Variants in ADGRG6 observed in about 807,000 individuals in gnomAD.
ADGRG6 encodes adhesion G protein-coupled receptor G6.
Under a neutral mutation model 142.4 loss-of-function variants are expected in ADGRG6, and 84 were observed. The observed-to-expected ratio is 0.59, with a 90% CI of 0.49 to 0.71. ADGRG6 has a LOEUF of 0.71. ADGRG6 is among the 30% of genes least tolerant of loss of function. The pLI, the probability that ADGRG6 is intolerant of heterozygous loss-of-function variation, is 0.00. For synonymous variants in ADGRG6, 521 were observed against 520.5 expected (o/e 1.00, Z -0.01); for missense variants, 1,367 against 1,466.6 (o/e 0.93, Z 1.11).
In ADGRG6 at chr6:142,403,879, A is replaced by G; in HGVS notation, c.2033A>G (p.Asn678Ser). ...STSHVNITTR[N>S]LALSVSSLLP... is the part of the protein sequence containing the mutation. ...TCACATGTGAATATTACAACTCGGAACTTGGCTCTCAGCGTATCATCCCTG... is the reference window on the plus strand; with the variant it reads ...TCACATGTGAATATTACAACTCGGAGCTTGGCTCTCAGCGTATCATCCCTG... Residue 678 changes from asparagine to serine, a missense_variant, in exon 14 of 25, where the codon AAC becomes AGC. This residue lies in a region of ADGRG6 where 286 missense variants were observed against 371.4 expected (regional missense o/e 0.77). Coordinates refer to ENST00000367609, the MANE Select transcript of ADGRG6 (RefSeq NM_198569.3). The G allele has an allele frequency of 1.2e-6, 2 of 1,609,596 alleles. No homozygotes were observed. Among genetic ancestry groups the G allele is most frequent in the Non-Finnish European group, 1.7e-6 (2 of 1,176,226 alleles).
chr6:142,413,722 G>A (rs563784876), intron 18 of ADGRG6, among the ~76,000 whole-genome samples: 7 of 152,194 alleles, frequency 4.6e-5, no homozygotes, highest in African/African-American at 9.6e-5. Flanking sequence ...TGGGTGCCCC[G>A]TGTTCTCCCA....
At chr6:142,363,058 T>C (rs909169508) in intron 2 of ADGRG6, among the ~76,000 whole-genome samples, 1 of 152,222 alleles carries the variant, frequency 6.6e-6, no homozygotes, top group Non-Finnish European at 1.5e-5. Context: ...ACCAGGTTTT[T>C]CTACAAGCTC....
At position 142,415,934 on chromosome 6, in the gene ADGRG6, G is replaced by C; in HGVS notation, c.2808G>C (p.Leu936=). 1.2e-6 allele frequency: 2 copies of C among 1,613,666 alleles called. No homozygotes were observed. Among genetic ancestry groups the C allele is most frequent in the South Asian group, 1.1e-5 (1 of 91,084 alleles). The stretch of plus-strand genomic sequence containing the variant: ...GACTTTGCATTGCTGTTGCAGTCCT[G>C]TTGCATTTCTTCCTTCTGGCAACCT... ...VDGLCIAVAV[L]LHFFLLATFT... is the part of the protein sequence containing the mutation. Residue 936 remains leucine, a synonymous_variant, in exon 20 of 25, where the codon CTG becomes CTC. Coordinates refer to ENST00000367609, the MANE Select transcript of ADGRG6 (RefSeq NM_198569.3).
chr6:142,394,986 C>T (rs1775098046), intron 9 of ADGRG6, among the ~76,000 whole-genome samples: 1 of 152,142 alleles, frequency 6.6e-6, no homozygotes, highest in African/African-American at 2.4e-5. Context: ...TATGGATATA[C>T]AGCCCTGATG....
At chr6:142,322,381 CAGAATG>C (rs1778560297) in intron 2 of ADGRG6, among the ~76,000 whole-genome samples, 2 of 151,878 alleles carry the variant, frequency 1.3e-5, no homozygotes. Flanking sequence ...GCCTGGGTGA[CAGAATG>C]AGACCCCATC....
At chr6:142,393,614 T>C (rs1775020787) in intron 8 of ADGRG6, among the ~76,000 whole-genome samples, 1 of 152,172 alleles carries the variant, frequency 6.6e-6, no homozygotes, top group South Asian at 2.1e-4. Context: ...TGTCAAATTG[T>C]CATATAAGTT....
At chr6:142,317,444 G>C (rs1778140160) in intron 2 of ADGRG6, among the ~76,000 whole-genome samples, 1 of 151,640 alleles carries the variant, frequency 6.6e-6, no homozygotes, top group Non-Finnish European at 1.5e-5. Context: ...GGTGTGTCTA[G>C]CTTATCAAAG....
At position 142,302,144 on chromosome 6, in the gene ADGRG6, C is replaced by G; in HGVS notation, c.-186C>G. 1 of 614,112 alleles carries G rather than the reference C, an allele frequency of 1.6e-6. No individual in the cohort carries two copies. Among genetic ancestry groups the G allele is most frequent in the Non-Finnish European group, 2.8e-6 (1 of 357,978 alleles). 38.0% of individuals were successfully genotyped at this position (614,112 alleles called of 1,614,324 possible). ...AGGCCCTGCGCTGAACGCTGCCGCG[C>G]CCAGGGTTCACCTTGCGCCGTCGGG... On this transcript the variant is annotated 5_prime_UTR_variant, in exon 1 of 25. Transcript: ENST00000367609.
intron 7 of ADGRG6, 94 bp from the exon 8 acceptor site, chr6:142,392,854 A>T (rs1774970049): frequency 1.2e-6 from 1 of 802,844 alleles, no homozygotes; most frequent in South Asian, 1.6e-5. Context: ...CCAGGGTCTT[A>T]TCTCAGTAAC....
intron 1 of ADGRG6, chr6:142,302,571 C>T: frequency 1.9e-6 from 1 of 521,414 alleles, no homozygotes. Flanking sequence ...CGAGGTAAAC[C>T]TCACATTTGG....
In ADGRG6 at chr6:142,302,114, T is replaced by A. The variant is rs769560781; in HGVS notation, c.-216T>A. On this transcript the variant is annotated 5_prime_UTR_variant, in exon 1 of 25. Transcript: ENST00000367609. ...GACCTGCCGCCAGCCTGCTTCCTCG[T>A]CCGCAGGCCCTGCGCTGAACGCTGC... is the stretch of plus-strand genomic sequence containing the variant. 1.8e-5 allele frequency: 10 copies of A among 545,212 alleles called. No homozygotes were observed. The highest frequency in any genetic ancestry group is 7.0e-5 in the Admixed American group (2 of 28,376). 33.8% of individuals were successfully genotyped at this position (545,212 alleles called of 1,614,324 possible).
At chr6:142,413,237 T>G (rs1035245729) in intron 18 of ADGRG6, among the ~76,000 whole-genome samples, 5 of 152,074 alleles carry the variant, frequency 3.3e-5, no homozygotes, top group African/African-American at 1.2e-4. Flanking sequence ...TATTCACTTG[T>G]ATAAGATATT....
At chr6:142,341,453 ATATAG>A (rs1779623824) in intron 2 of ADGRG6, among the ~76,000 whole-genome samples, 1 of 119,066 alleles carries the variant, frequency 8.4e-6, no homozygotes, top group African/African-American at 3.3e-5. Flanking sequence ...TATATAGTAT[ATATAG>A]TATATATAAT....
rs1308633561 is a variant in ADGRG6, at chr6:142,323,334, T to C, written c.103+13690T>C. Reference sequence around the variant, plus strand: ...TTGAGTAAATCCAAAGGGTGAAAAGTATGATTTTGAATTCCAGTACGCATT... The same window carrying C: ...TTGAGTAAATCCAAAGGGTGAAAAGCATGATTTTGAATTCCAGTACGCATT... On this transcript the variant is annotated intron_variant, in intron 2 of 24. Transcript: ENST00000367609. Among the ~76,000 whole-genome samples the C allele has an allele frequency of 2.0e-5, 3 of 152,026 alleles. No homozygotes were observed. The East Asian group carries it at 5.8e-4, about 29-fold the overall frequency.
intron 9 of ADGRG6, among the ~76,000 whole-genome samples, chr6:142,394,580 ATTT>A (rs5880532): frequency 3.0e-5 from 4 of 132,952 alleles, no homozygotes; most frequent in African/African-American, 8.5e-5. Flanking sequence ...ATCTCTGTAG[ATTT>A]TTTTTTTTTT....
intron 16 of ADGRG6, among the ~76,000 whole-genome samples, chr6:142,409,007 C>T (rs375154599): frequency 1.8e-4 from 27 of 152,018 alleles, no homozygotes; most frequent in East Asian, 3.9e-4. Flanking sequence ...TCATAAAGGA[C>T]GATTTTTAAA....
At chr6:142,362,496 T>A (rs1388642652) in intron 2 of ADGRG6, among the ~76,000 whole-genome samples, 1 of 152,094 alleles carries the variant, frequency 6.6e-6, no homozygotes, top group Non-Finnish European at 1.5e-5. Flanking sequence ...CCTCCTCAAG[T>A]GTAGAAATGC....
chr6:142,343,794 G>T (rs1779771072), intron 2 of ADGRG6, among the ~76,000 whole-genome samples: 1 of 151,608 alleles, frequency 6.6e-6, no homozygotes, highest in African/African-American at 2.4e-5. Context: ...TTTCAACATG[G>T]TACAAAAAAG....
chr6:142,344,682 C>T (rs1272570082), intron 2 of ADGRG6, among the ~76,000 whole-genome samples: 2 of 151,908 alleles, frequency 1.3e-5, no homozygotes, highest in Non-Finnish European at 2.9e-5. Context: ...AAATAGCTGG[C>T]TTCCTTAAAA....
Sources: gnomAD v4.1 joint callset for allele counts (sites outside exome capture counted in the v4.1 genomes callset) on GRCh38, gnomAD v4.1.1 for gene constraint, gnomAD v4.1.1 regional missense constraint, MANE v1.5 for transcripts, NCBI Gene and HGNC (gene_info 2026-07-23, HGNC 2026-07-21) for gene names.